The following CRACD variants were observed in gnomAD, a reference collection of about 807,000 sequenced individuals.
CRACD encodes the protein capping protein-inhibiting regulator of actin dynamics.
Under a neutral mutation model 106.8 loss-of-function variants are expected in CRACD, and 56 were observed. The ratio of observed to expected loss-of-function variants is 0.52; its 90% CI spans 0.42 to 0.66. CRACD has a LOEUF of 0.66. Ranked by LOEUF, CRACD falls within the 30% of genes least tolerant of loss-of-function variation. The probability of loss-of-function intolerance (pLI) is 0.00; values close to 1 mark genes in which losing one functional copy is unlikely to be tolerated. For synonymous variants in CRACD, 754 were observed against 670.8 expected (o/e 1.12, Z -1.92); for missense variants, 1,730 against 1,623.2 (o/e 1.07, Z -1.13).
At chr4:56,184,504 C>T (rs1737000262) in intron 2 of CRACD, among the ~76,000 whole-genome samples, 3 of 152,252 alleles carry the variant, frequency 2.0e-5, no homozygotes. Flanking sequence ...ACCTCCATCA[C>T]ACAGGTCTGG....
chr4:56,185,078 T>C (rs1171932341), intron 2 of CRACD, among the ~76,000 whole-genome samples: 2 of 152,188 alleles, frequency 1.3e-5, no homozygotes, highest in Non-Finnish European at 2.9e-5. Flanking sequence ...TGCCTCAGCC[T>C]CCCGAGTAGC....
intron 1 of CRACD, among the ~76,000 whole-genome samples, chr4:56,128,770 C>T (rs75399603): frequency 3.9e-5 from 6 of 152,012 alleles, no homozygotes; most frequent in South Asian, 4.2e-4. Context: ...CTGAACCTCC[C>T]GCATAAAATG....
chr4:56,061,107 G>C (rs1241983531), intron 1 of CRACD, among the ~76,000 whole-genome samples: 1 of 152,216 alleles, frequency 6.6e-6, no homozygotes, highest in Non-Finnish European at 1.5e-5. Context: ...GTGACTAGGA[G>C]TTAAGAGACC....
chr4:56,120,078 T>G (rs1207017969), intron 1 of CRACD, among the ~76,000 whole-genome samples: 2 of 152,188 alleles, frequency 1.3e-5, no homozygotes. Context: ...CTAGTCAAAA[T>G]GATCAGACTG....
intron 2 of CRACD, among the ~76,000 whole-genome samples, chr4:56,181,738 A>G (rs1003848559): frequency 1.3e-5 from 2 of 152,116 alleles, no homozygotes; most frequent in South Asian, 4.1e-4. Flanking sequence ...GCATCCCTCC[A>G]GTCTCCGCCT....
At chr4:56,160,762 G>A (rs11736698) in intron 1 of CRACD, among the ~76,000 whole-genome samples, 56,263 of 152,028 alleles carry the variant, frequency 0.37, 10,599 homozygotes, top group Middle Eastern at 0.43. Flanking sequence ...TTTGACGTGC[G>A]TATGCGCACC....
At chr4:56,052,252 T>A (rs1731904729) in intron 1 of CRACD, among the ~76,000 whole-genome samples, 1 of 152,156 alleles carries the variant, frequency 6.6e-6, no homozygotes, top group South Asian at 2.1e-4. Flanking sequence ...ACAGATACAT[T>A]GTAAATATCT....
chr4:56,318,619 G>C (rs924899677), intron 8 of CRACD, among the ~76,000 whole-genome samples: 1 of 152,190 alleles, frequency 6.6e-6, no homozygotes, highest in Non-Finnish European at 1.5e-5. Flanking sequence ...AGTGGAGCCA[G>C]TGAGGACAGA....
chr4:56,075,466 T>G (rs1732808606), intron 1 of CRACD, among the ~76,000 whole-genome samples: 2 of 152,256 alleles, frequency 1.3e-5, no homozygotes, highest in Admixed American at 1.3e-4. Context: ...TTTTCTAGTT[T>G]ATTTGCATAG....
chr4:56,233,744 G>A (rs565935893), intron 2 of CRACD, among the ~76,000 whole-genome samples: 1 of 152,290 alleles, frequency 6.6e-6, no homozygotes, highest in Non-Finnish European at 1.5e-5. Context: ...ACTGCCTGAT[G>A]AGAATTTGAT....
intron 1 of CRACD, among the ~76,000 whole-genome samples, chr4:56,055,951 A>G (rs997684343): frequency 6.6e-6 from 1 of 152,244 alleles, no homozygotes; most frequent in African/African-American, 2.4e-5. Context: ...AACAATTCCA[A>G]AAGCCTGTGC....
chr4:56,327,945 C>A lies in CRACD; in HGVS notation c.*141C>A. 1 of 733,544 alleles carries A rather than the reference C, an allele frequency of 1.4e-6. No individual in the cohort carries two copies. The highest frequency in any genetic ancestry group is 2.1e-6 in the Non-Finnish European group (1 of 465,710). The allele number at this position is 733,544 out of a possible 1,614,324, so 45.4% of individuals were successfully genotyped here. A position where few individuals can be genotyped will look rare whatever the true frequency, so the allele number is the denominator to read the frequency against. ...TAGGCTCCAAAATAATGTTTAGAAA[C>A]TGAACTGGTGGTGTTCATTGTAAAG... On this transcript the variant is annotated 3_prime_UTR_variant, in exon 11 of 11. Coordinates refer to ENST00000682029, the MANE Select transcript of CRACD (RefSeq NM_001393381.1).
rs1295583748 is a variant in CRACD at position 56,316,494 on chromosome 4, C to T, written c.2992C>T (p.Pro998Ser). 4 of 1,613,724 alleles carry T rather than the reference C, an allele frequency of 2.5e-6. No homozygotes were observed. The highest frequency in any genetic ancestry group is 2.2e-5 in the South Asian group (2 of 91,060). Residue 998 changes from proline (P) to serine (S), a missense_variant, in exon 8 of 11, where the codon CCA becomes TCA. Physicochemically the swap from Pro to Ser is moderately conservative, Grantham distance 74 (BLOSUM62 -1). Transcript: ENST00000682029. ...LLSRRAGRPD[P>S]EPSEPSKEDQ... The stretch of plus-strand genomic sequence containing the variant: ...GTCTCGCCGAGCGGGGAGGCCGGAC[C>T]CAGAGCCAAGTGAGCCGTCCAAGGA...
intron 2 of CRACD, among the ~76,000 whole-genome samples, chr4:56,260,881 G>A (rs1560506818): frequency 7.4e-6 from 1 of 134,394 alleles, no homozygotes; most frequent in African/African-American, 2.9e-5. Context: ...GTCTGTCTGT[G>A]TATCCATCCA....
intron 3 of CRACD, among the ~76,000 whole-genome samples, chr4:56,280,526 T>C (rs566983422): frequency 2.0e-4 from 31 of 152,334 alleles, no homozygotes; most frequent in African/African-American, 7.5e-4. Context: ...TTCTCACAAC[T>C]TCCTTGACCT....
At chr4:56,085,143 G>A (rs907941778) in intron 1 of CRACD, among the ~76,000 whole-genome samples, 1 of 152,094 alleles carries the variant, frequency 6.6e-6, no homozygotes, top group Non-Finnish European at 1.5e-5. Context: ...TTCTTTTCCA[G>A]GTGACAGAGA....
intron 1 of CRACD, among the ~76,000 whole-genome samples, chr4:56,170,708 G>A (rs1237510113): frequency 6.6e-6 from 1 of 152,108 alleles, no homozygotes; most frequent in African/African-American, 2.4e-5. Context: ...AGGCATGGTG[G>A]TGTGTGCCTG....
intron 2 of CRACD, among the ~76,000 whole-genome samples, chr4:56,244,636 C>T (rs774787142): frequency 6.6e-6 from 1 of 152,276 alleles, no homozygotes; most frequent in Non-Finnish European, 1.5e-5. Context: ...CTCCCACGTG[C>T]GTCCCATTTC....
At chr4:56,240,856 T>G (rs1275309418) in intron 2 of CRACD, among the ~76,000 whole-genome samples, 6 of 152,164 alleles carry the variant, frequency 3.9e-5, no homozygotes, top group Non-Finnish European at 5.9e-5. Context: ...TTTCAGAAAC[T>G]TATTCTTATG....
Sources: gnomAD v4.1 joint callset for allele counts (sites outside exome capture counted in the v4.1 genomes callset) on GRCh38, gnomAD v4.1.1 for gene constraint, MANE v1.5 for transcripts, NCBI Gene and HGNC (gene_info 2026-07-23, HGNC 2026-07-21) for gene names.